The following CYBA variants were observed in gnomAD, a reference collection of about 807,000 sequenced individuals.
The protein encoded by CYBA is cytochrome b-245 alpha chain.
CYBA carries 21 observed loss-of-function variants against 20.8 expected under a neutral mutation model. The observed-to-expected ratio is 1.01, with a 90% confidence interval of 0.72 to 1.46. CYBA has a LOEUF of 1.46. CYBA is among the 40% of genes most tolerant of loss of function. The pLI is 0.00. For synonymous variants in CYBA, 164 were observed against 127.5 expected (o/e 1.29, Z -1.93); for missense variants, 344 against 287.0 (o/e 1.20, Z -1.43).
Position 88,643,689 on chromosome 16 carries a change from A to G in CYBA, c.370-118T>C. 1 of 968,580 alleles carries G rather than the reference A, an allele frequency of 1.0e-6. No homozygotes were observed. Among genetic ancestry groups the G allele is most frequent in the Non-Finnish European group, 1.5e-6 (1 of 652,776 alleles). 60.0% of individuals were successfully genotyped at this position (968,580 alleles called of 1,614,324 possible). ...ACAGGCTCAAGTCTGAATCCCACGC[A>G]GGATGGTGTGACTGCCACTCAGAGA... On this transcript the variant is annotated intron_variant, in intron 5 of 5. Transcript: ENST00000261623. This position sits in a 1 kb window ranked among gnomAD's most constrained non-coding sequence, Gnocchi z 4.3.
intron 1 of CYBA, chr16:88,650,346 A>C (rs998807213): frequency 4.4e-6 from 2 of 456,392 alleles, no homozygotes; most frequent in Non-Finnish European, 8.8e-6. Flanking sequence ...GAGCAAATGC[A>C]CAGGAGGGTG....
intron 1 of CYBA, chr16:88,650,640 C>T: frequency 1.8e-6 from 1 of 553,222 alleles, no homozygotes; most frequent in East Asian, 3.5e-5. Flanking sequence ...CGGAAACCAC[C>T]GGGGCTGAAC....
intron 1 of CYBA, 169 bp downstream of exon 1, chr16:88,650,787 C>T (rs1398059772): frequency 1.3e-5 from 9 of 691,154 alleles, no homozygotes; most frequent in Non-Finnish European, 2.0e-5. Flanking sequence ...TTCCAGCCCG[C>T]GGCCTGAGGG....
At position 88,646,216 on chromosome 16, in the gene CYBA, G is replaced by T. The variant is rs1473498025; in HGVS notation, c.288-19C>A. The T allele has an allele frequency of 2.2e-6, 3 of 1,350,306 alleles. No homozygotes were observed. The highest frequency in any genetic ancestry group is 1.9e-6 in the Non-Finnish European group (2 of 1,043,928). The allele number at this position is 1,350,306 out of a possible 1,614,324, so 83.6% of individuals were successfully genotyped here. A position where few individuals can be genotyped will look rare whatever the true frequency, so the allele number is the denominator to read the frequency against. ...CGAGAGCCTGGGGGACAGCGGGTGA[G>T]AGGCAGGGACACAGAAGGGCACTCA... On this transcript the variant is annotated intron_variant, in intron 4 of 5. Coordinates refer to ENST00000261623, the MANE Select transcript of CYBA (RefSeq NM_000101.4).
rs534927356 is a variant in CYBA, at chr16:88,649,458, G to A, written c.59-1344C>T. Among the ~76,000 whole-genome samples the A allele has an allele frequency of 9.2e-5, 14 of 152,342 alleles. No individual in the cohort carries two copies. The South Asian group carries it at 2.9e-3, about 32-fold the overall frequency. ...TGCAAAGCTGCCGCTGGTGCCACCA[G>A]GGAGGTCTGAGGACGTATTCTGGCA... On this transcript the variant is annotated intron_variant, in intron 1 of 5. Coordinates refer to ENST00000261623, the MANE Select transcript of CYBA (RefSeq NM_000101.4).
chr16:88,646,249 G>A (rs1201339357), intron 4 of CYBA, 52 bp from the exon 5 acceptor site: 7 of 1,004,778 alleles, frequency 7.0e-6, no homozygotes, highest in South Asian at 2.2e-5. Flanking sequence ...TCAGAAAGGG[G>A]AACGGAGCCC....
Position 88,650,642 on chromosome 16 carries a change from G to A in CYBA, c.58+314C>T, listed in dbSNP as rs1343041877. 7.1e-6 allele frequency: 4 copies of A among 562,218 alleles called. No individual in the cohort carries two copies. In the East Asian group the frequency reaches 1.0e-4, roughly 15 times the overall value. The allele number at this position is 562,218 out of a possible 1,614,324, so 34.8% of individuals were successfully genotyped here. ...GGGGCGGTGACCCCGGAAACCACCG[G>A]GGCTGAACCGCCTCTTCCCCTGCGC... On this transcript the variant is annotated intron_variant, in intron 1 of 5. Coordinates refer to ENST00000261623, the MANE Select transcript of CYBA (RefSeq NM_000101.4).
At chr16:88,645,727 G>A (rs1202413648) in intron 5 of CYBA, 8 of 543,164 alleles carry the variant, frequency 1.5e-5, no homozygotes, top group East Asian at 6.3e-5. Context: ...GAATCAGCGC[G>A]AATAGGGTTT....
At position 88,647,149 on chromosome 16, in the gene CYBA, A is replaced by G. The variant is rs179363890; in HGVS notation, c.155T>C (p.Leu52Pro). The G allele has an allele frequency of 2.5e-6, 4 of 1,610,800 alleles. No homozygotes were observed. In the South Asian group the frequency reaches 3.3e-5, roughly 13 times the overall value. The change falls in exon 3 of 6, where the codon CTG becomes CCG. Residue 52 changes from leucine to proline, a missense_variant. Leu to Pro is a moderately conservative substitution (Grantham distance 98). Transcript: ENST00000261623. ...SIVAGVFVCLLEYPRGKRKKG... is the reference protein window; with the variant it reads ...SIVAGVFVCLPEYPRGKRKKG... ...CTTCCTCTTCCCCCGGGGGTACTCC[A>G]GCAGGCACACAAACACGCCCGCCAC...
At chr16:88,645,912 G>C (rs777548546) in intron 5 of CYBA, 5 of 599,304 alleles carry the variant, frequency 8.3e-6, no homozygotes, top group East Asian at 8.3e-5. Flanking sequence ...GCAAGGAAAT[G>C]ACCCGACACA....
Position 88,646,773 on chromosome 16 carries a change from C to T in CYBA, c.269G>A (p.Arg90Gln), listed in dbSNP as rs104894513. Residue 90 changes from arginine to glutamine, a missense_variant, in exon 4 of 6, where the codon CGG (arginine) becomes CAG (glutamine). By Grantham distance (43) the Arg-to-Gln change is conservative. Transcript: ENST00000261623. Reference protein sequence around the residue: ...FGPFTRNYYVRAVLHLLLSVP... With the variant: ...FGPFTRNYYVQAVLHLLLSVP... ...GACTCACAGGAGATGCAGGACGGCC[C>T]GAACATAGTAATTCCTGGTAAAGGG... 3.7e-6 allele frequency: 6 copies of T among 1,613,914 alleles called. No individual in the cohort carries two copies. The highest frequency in any genetic ancestry group is 2.2e-5 in the East Asian group (1 of 44,886).
intron 1 of CYBA, among the ~76,000 whole-genome samples, chr16:88,649,527 CTT>C (rs1907427184): frequency 6.6e-6 from 1 of 152,236 alleles, no homozygotes; most frequent in Non-Finnish European, 1.5e-5. Flanking sequence ...AGGGGGGACT[CTT>C]TGTCAAGGCC....
intron 1 of CYBA, 67 bp downstream of exon 1, chr16:88,650,889 G>C (rs768337640): frequency 2.0e-6 from 3 of 1,497,824 alleles, no homozygotes; most frequent in Non-Finnish European, 2.7e-6. Context: ...AGTAGCCCGA[G>C]GTCCCGGCTG....
intron 2 of CYBA, among the ~76,000 whole-genome samples, chr16:88,647,403 G>A (rs367959647): frequency 2.0e-5 from 3 of 152,218 alleles, no homozygotes; most frequent in East Asian, 1.9e-4. Context: ...GCCAGGTGCA[G>A]TGGTGTGTGC....
chr16:88,643,582 C>T lies in CYBA; in HGVS notation c.370-11G>A, dbSNP rs1022796292. ...GCCACGCACAGCCGCCTGCGGGGCA[C>T]TGAAGGGTTGAGCCGCGCCCCAGCG... On this transcript the variant is annotated splice_polypyrimidine_tract_variant and intron_variant, in intron 5 of 5. Transcript: ENST00000261623. The surrounding 1 kb of genome is among the most constrained non-coding windows in gnomAD (Gnocchi z 4.3). 1.3e-6 allele frequency: 2 copies of T among 1,531,958 alleles called. No individual in the cohort carries two copies. Among genetic ancestry groups the T allele is most frequent in the Admixed American group, 3.9e-5 (2 of 50,896 alleles). The allele number at this position is 1,531,958 out of a possible 1,614,324, so 94.9% of individuals were successfully genotyped here. A position where few individuals can be genotyped will look rare whatever the true frequency, so the allele number is the denominator to read the frequency against.
At position 88,651,025 on chromosome 16, in the gene CYBA, C is replaced by A. The variant is rs1280589982; in HGVS notation, c.-12G>T. The A allele has an allele frequency of 1.9e-6, 3 of 1,591,086 alleles. No homozygotes were observed. The highest frequency in any genetic ancestry group is 2.6e-6 in the Non-Finnish European group (3 of 1,171,480). ...TCGATCTGCCCCATGGCGACACGAA[C>A]CCGGCTGGGACACTGCTAGGCGCGC... On this transcript the variant is annotated 5_prime_UTR_variant, in exon 1 of 6. Transcript: ENST00000261623.
At chr16:88,645,415 A>T in intron 5 of CYBA, 4 of 702,402 alleles carry the variant, frequency 5.7e-6, no homozygotes, top group Non-Finnish European at 1.0e-5. Flanking sequence ...CTCTGCGGGC[A>T]GGAGGGACTT....
intron 5 of CYBA, 69 bp downstream of exon 5, chr16:88,646,047 G>T: frequency 7.5e-7 from 1 of 1,329,722 alleles, no homozygotes; most frequent in Non-Finnish European, 1.0e-6. Flanking sequence ...GGCCATGCGT[G>T]TCCGAGGGTG....
intron 5 of CYBA, among the ~76,000 whole-genome samples, chr16:88,644,248 C>T (rs1406840628): frequency 1.3e-5 from 2 of 152,206 alleles, no homozygotes; most frequent in Non-Finnish European, 2.9e-5. Flanking sequence ...GTGATCCTAC[C>T]TGACTCCAAA....
Sources: gnomAD v4.1 joint callset for allele counts (sites outside exome capture counted in the v4.1 genomes callset) on GRCh38, gnomAD v4.1.1 for gene constraint, Gnocchi (gnomAD v3.1) non-coding constraint, MANE v1.5 for transcripts, NCBI Gene and HGNC (gene_info 2026-07-23, HGNC 2026-07-21) for gene names.